Variants in CTDSPL2 observed in about 807,000 individuals in gnomAD.
CTDSPL2 encodes the protein CTD small phosphatase like 2.
In CTDSPL2, 5 loss-of-function variants were observed where a neutral mutation model predicts 60.0. The ratio of observed to expected loss-of-function variants is 0.08; its 90% CI spans 0.04 to 0.18. The LOEUF is 0.18. Among genes scored for constraint, CTDSPL2 ranks in the 10% least tolerant of loss-of-function variants. The probability of loss-of-function intolerance (pLI) is 1.00; values close to 1 mark genes in which losing one functional copy is unlikely to be tolerated. For synonymous variants in CTDSPL2, 186 were observed against 189.3 expected, an observed-to-expected ratio of 0.98 and a Z score of 0.14; for missense variants, 370 against 548.8, an observed-to-expected ratio of 0.67 and a Z score of 3.26.
chr15:44,445,328 T>C (rs2080188111), intron 1 of CTDSPL2, among the ~76,000 whole-genome samples: 1 of 151,706 alleles, frequency 6.6e-6, no homozygotes, highest in African/African-American at 2.4e-5. Flanking sequence ...GTTGGGACTA[T>C]AGGCATGCAC....
chr15:44,506,276 C>T (rs753575296), intron 8 of CTDSPL2, among the ~76,000 whole-genome samples: 1 of 151,808 alleles, frequency 6.6e-6, no homozygotes, highest in African/African-American at 2.4e-5. Flanking sequence ...GTGATCTGCC[C>T]ACCTCGGCCT....
In CTDSPL2 at chr15:44,527,253, T is replaced by C. The variant is rs964961898; in HGVS notation, c.*3079T>C. On this transcript the variant is annotated 3_prime_UTR_variant, in exon 13 of 13. Coordinates refer to ENST00000260327, the MANE Select transcript of CTDSPL2 (RefSeq NM_016396.3). ...TGAAATGAATGTGTACATTGTTTTC[T>C]TGTATTTCTCTGGGTTGTTTTTTGT... 2 of 152,576 alleles carry C rather than the reference T, an allele frequency of 1.3e-5. No homozygotes were observed. The highest frequency in any genetic ancestry group is 4.8e-5 in the African/African-American group (2 of 41,420). The allele number at this position is 152,576 out of a possible 1,614,324, so 9.5% of individuals were successfully genotyped here.
chr15:44,433,433 A>ATTTAAATGT (rs2079903968), intron 1 of CTDSPL2, among the ~76,000 whole-genome samples: 1 of 149,634 alleles, frequency 6.7e-6, no homozygotes, highest in African/African-American at 2.5e-5. Flanking sequence ...CTAAGTAGGG[A>ATTTAAATGT]TTTAAATGTT....
At position 44,524,293 on chromosome 15, in the gene CTDSPL2, T is replaced by TATCTTTG; in HGVS notation, c.*120_*126dup. 1.4e-6 allele frequency: 1 copy of TATCTTTG among 735,962 alleles called. No homozygotes were observed. The highest frequency in any genetic ancestry group is 2.4e-6 in the Non-Finnish European group (1 of 418,650). 45.6% of individuals were successfully genotyped at this position (735,962 alleles called of 1,614,324 possible). ...TTTTTGTACCCCGTCTTGCTTTTCT[T>TATCTTTG]ATCTTTGGTGCCCAATAATAATTAA... On this transcript the variant is annotated 3_prime_UTR_variant, in exon 13 of 13. Coordinates refer to ENST00000260327, the MANE Select transcript of CTDSPL2 (RefSeq NM_016396.3).
intron 8 of CTDSPL2, among the ~76,000 whole-genome samples, chr15:44,506,411 A>ATTTTTTT (rs2081465226): frequency 1.7e-5 from 2 of 120,144 alleles, no homozygotes; most frequent in Admixed American, 8.0e-5. Flanking sequence ...TCCTACTTTG[A>ATTTTTTT]CTTTTTTTTT....
At chr15:44,503,670 A>C (rs747389654) in intron 8 of CTDSPL2, 5 of 152,212 alleles carry the variant, frequency 3.3e-5, no homozygotes, top group Non-Finnish European at 5.9e-5. Flanking sequence ...AAGATACCTC[A>C]TATGTTTCAC....
intron 3 of CTDSPL2, among the ~76,000 whole-genome samples, chr15:44,485,125 C>G (rs900072248): frequency 6.6e-6 from 1 of 152,128 alleles, no homozygotes; most frequent in South Asian, 2.1e-4. Context: ...GTTGTCACAA[C>G]TTGTGGAGGG....
At chr15:44,454,262 C>G (rs1377004803) in intron 1 of CTDSPL2, among the ~76,000 whole-genome samples, 2 of 152,136 alleles carry the variant, frequency 1.3e-5, no homozygotes, top group Non-Finnish European at 2.9e-5. Context: ...CCTTCACCCA[C>G]TTTTTGATGG....
In CTDSPL2 at chr15:44,525,938, C is replaced by G. The variant is rs2081864012; in HGVS notation, c.*1764C>G. The G allele has an allele frequency of 6.6e-6, 1 of 151,570 alleles. No homozygotes were observed. Among genetic ancestry groups the G allele is most frequent in the African/African-American group, 2.4e-5 (1 of 40,922 alleles). 9.4% of individuals were successfully genotyped at this position (151,570 alleles called of 1,614,324 possible). On this transcript the variant is annotated 3_prime_UTR_variant, in exon 13 of 13. Coordinates refer to ENST00000260327, the MANE Select transcript of CTDSPL2 (RefSeq NM_016396.3). ...GAGCAAGCCTGTTTTGTGGAAAATCCTTATTCATTAAAAAAATAATCATGG... is the reference window on the plus strand; with the variant it reads ...GAGCAAGCCTGTTTTGTGGAAAATCGTTATTCATTAAAAAAATAATCATGG...
In CTDSPL2 at chr15:44,484,216, A is replaced by T. The variant is rs1253027971; in HGVS notation, c.187-8A>T. On this transcript the variant is annotated splice_polypyrimidine_tract_variant and splice_region_variant and intron_variant, in intron 2 of 12. Coordinates refer to ENST00000260327, the MANE Select transcript of CTDSPL2 (RefSeq NM_016396.3). ...CTTAGTGTGTTTTTTTTTCTCTTAT[A>T]TCTTAAGGAAGAGAGAGAAAATCCT... The T allele has an allele frequency of 1.1e-5, 18 of 1,595,980 alleles. No individual in the cohort carries two copies. Among genetic ancestry groups the T allele is most frequent in the Admixed American group, 9.0e-5 (5 of 55,454 alleles).
chr15:44,504,753 C>G (rs1389833358), intron 8 of CTDSPL2, among the ~76,000 whole-genome samples: 7 of 151,844 alleles, frequency 4.6e-5, no homozygotes, highest in African/African-American at 1.7e-4. Flanking sequence ...ACCTATAGTC[C>G]CAGCTACTCG....
intron 8 of CTDSPL2, among the ~76,000 whole-genome samples, chr15:44,501,443 A>T (rs2081379788): frequency 6.6e-6 from 1 of 152,056 alleles, no homozygotes; most frequent in Non-Finnish European, 1.5e-5. Context: ...CATAAAATTG[A>T]ATTTTTTTCT....
intron 4 of CTDSPL2, among the ~76,000 whole-genome samples, chr15:44,489,960 T>C (rs980683845): frequency 1.3e-5 from 2 of 152,180 alleles, no homozygotes; most frequent in Non-Finnish European, 2.9e-5. Context: ...ATAAAGAGCA[T>C]TGAGGGAAGG....
chr15:44,439,551 G>T (rs912094562), intron 1 of CTDSPL2, among the ~76,000 whole-genome samples: 1 of 151,280 alleles, frequency 6.6e-6, no homozygotes, highest in Non-Finnish European at 1.5e-5. Flanking sequence ...TTTGGGGGGG[G>T]GGGAATATTT....
intron 8 of CTDSPL2, among the ~76,000 whole-genome samples, chr15:44,509,182 C>T (rs930889975): frequency 5.1e-4 from 77 of 151,890 alleles, no homozygotes; most frequent in Non-Finnish European, 1.2e-4. Context: ...TAATGACTGC[C>T]TTTTTTATTT....
intron 8 of CTDSPL2, among the ~76,000 whole-genome samples, chr15:44,501,685 G>A (rs1037071905): frequency 2.6e-5 from 4 of 152,140 alleles, no homozygotes; most frequent in Non-Finnish European, 5.9e-5. Context: ...GCCTAAATGA[G>A]AGCACAGAGC....
intron 1 of CTDSPL2, among the ~76,000 whole-genome samples, chr15:44,436,373 T>TC (rs1820452476): frequency 6.6e-6 from 1 of 152,204 alleles, no homozygotes; most frequent in African/African-American, 2.4e-5. Context: ...ATGTTTGTCT[T>TC]AATGAGGTTG....
intron 2 of CTDSPL2, chr15:44,470,536 C>G (rs922637840): frequency 6.6e-6 from 1 of 152,030 alleles, no homozygotes. Flanking sequence ...CAACCTCCAC[C>G]TCCTGGATTC....
intron 8 of CTDSPL2, among the ~76,000 whole-genome samples, chr15:44,513,438 G>T (rs1478734303): frequency 6.6e-6 from 1 of 152,200 alleles, no homozygotes; most frequent in Non-Finnish European, 1.5e-5. Context: ...TTGCACTCCA[G>T]CCTGGGCCGT....
Sources: gnomAD v4.1 joint callset for allele counts (sites outside exome capture counted in the v4.1 genomes callset) on GRCh38, gnomAD v4.1.1 for gene constraint, MANE v1.5 for transcripts, NCBI Gene and HGNC (gene_info 2026-07-23, HGNC 2026-07-21) for gene names.